The following HTR1F variants were observed in gnomAD, a reference collection of about 807,000 sequenced individuals.
The protein encoded by HTR1F is 5-hydroxytryptamine (serotonin) receptor 1F, G protein-coupled.
In HTR1F, 17 loss-of-function variants were observed where a neutral mutation model predicts 24.0. The ratio of observed to expected loss-of-function variants is 0.71; its 90% confidence interval spans 0.48 to 1.06. The LOEUF (loss-of-function observed/expected upper bound fraction) is 1.06. Ranked by LOEUF, HTR1F falls within the 50% of genes least tolerant of loss-of-function variation. The pLI is 0.00. For synonymous variants in HTR1F, 186 were observed against 156.8 expected (o/e 1.19, Z -1.39); for missense variants, 391 against 427.8 (o/e 0.91, Z 0.76).
At chr3:87,978,999 AGG>A (rs1705464762) in intron 2 of HTR1F, among the ~76,000 whole-genome samples, 1 of 88,246 alleles carries the variant, frequency 1.1e-5, no homozygotes. Flanking sequence ...CAGGGACTGG[AGG>A]GGAAGGAAGG....
At chr3:87,911,105 GA>G (rs1311605665) in intron 2 of HTR1F, among the ~76,000 whole-genome samples, 5 of 151,196 alleles carry the variant, frequency 3.3e-5, no homozygotes, top group Middle Eastern at 3.4e-3. Context: ...CGGAAGACAG[GA>G]AAAAAACAAA....
chr3:87,818,201 A>G (rs553559966), intron 1 of HTR1F, among the ~76,000 whole-genome samples: 12 of 152,274 alleles, frequency 7.9e-5, no homozygotes, highest in African/African-American at 2.2e-4. Flanking sequence ...ATACATCCAT[A>G]TATATGACAA....
chr3:87,954,545 G>A (rs1455054890), intron 2 of HTR1F, among the ~76,000 whole-genome samples: 1 of 151,614 alleles, frequency 6.6e-6, no homozygotes, highest in Non-Finnish European at 1.5e-5. Flanking sequence ...TGTAAAAGTA[G>A]AAATTCTATA....
intron 2 of HTR1F, among the ~76,000 whole-genome samples, chr3:87,874,623 T>G (rs1705629773): frequency 7.0e-6 from 1 of 142,718 alleles, no homozygotes; most frequent in Non-Finnish European, 1.5e-5. Context: ...AGCATTTTTC[T>G]GCAAAAATAG....
At chr3:87,972,316 C>T (rs1051614225) in intron 2 of HTR1F, among the ~76,000 whole-genome samples, 1 of 152,026 alleles carries the variant, frequency 6.6e-6, no homozygotes, top group Non-Finnish European at 1.5e-5. Flanking sequence ...TTAAAGTTTC[C>T]ATCTATTGCT....
intron 2 of HTR1F, among the ~76,000 whole-genome samples, chr3:87,840,099 A>T (rs1336217031): frequency 6.6e-6 from 1 of 152,134 alleles, no homozygotes; most frequent in African/African-American, 2.4e-5. Flanking sequence ...GCTTTTTGGT[A>T]GAATGATATA....
intron 2 of HTR1F, among the ~76,000 whole-genome samples, chr3:87,947,023 G>GAA (rs954853716): frequency 3.9e-4 from 59 of 152,284 alleles, no homozygotes; most frequent in African/African-American, 1.4e-3. Context: ...TCGTTGTGTT[G>GAA]AAATGGTTGT....
chr3:87,899,724 G>A (rs141429893), intron 2 of HTR1F, among the ~76,000 whole-genome samples: 1 of 152,138 alleles, frequency 6.6e-6, no homozygotes, highest in Non-Finnish European at 1.5e-5. Context: ...ATTTAGACAG[G>A]CATAATGGCT....
chr3:87,936,331 G>C (rs1230323057), intron 2 of HTR1F, among the ~76,000 whole-genome samples: 1 of 152,162 alleles, frequency 6.6e-6, no homozygotes, highest in East Asian at 1.9e-4. Flanking sequence ...GTTAAGCAAA[G>C]ATTTGTAAAT....
At chr3:87,847,297 A>G (rs1424713950) in intron 2 of HTR1F, among the ~76,000 whole-genome samples, 1 of 151,892 alleles carries the variant, frequency 6.6e-6, no homozygotes, top group Admixed American at 6.6e-5. Flanking sequence ...CTAGGGTTCT[A>G]TTTGACAATA....
At chr3:87,841,212 T>C in intron 2 of HTR1F, among the ~76,000 whole-genome samples, 1 of 151,790 alleles carries the variant, frequency 6.6e-6, no homozygotes, top group South Asian at 2.1e-4. Flanking sequence ...TTATCAATTG[T>C]TATTTGTCAA....
chr3:87,950,576 G>A (rs763112366), intron 2 of HTR1F, among the ~76,000 whole-genome samples: 9 of 151,360 alleles, frequency 5.9e-5, no homozygotes, highest in Non-Finnish European at 1.3e-4. Context: ...AAAAAAGGGA[G>A]GAGTAAAGAG....
In HTR1F at chr3:87,988,775, C is replaced by T. The variant is rs575772424; in HGVS notation, c.-42-1933C>T. Among the ~76,000 whole-genome samples, 111 of 149,650 alleles carry T rather than the reference C, an allele frequency of 7.4e-4. 1 individual carries two copies. The South Asian group carries it at 0.013, about 18-fold the overall frequency. ...TGTATTTTTAGTAGAGACAGGGTTT[C>T]ACCATGTTGGCCAGGATGGTCTTGA... On this transcript the variant is annotated intron_variant, in intron 2 of 2. Coordinates refer to ENST00000319595, the MANE Select transcript of HTR1F (RefSeq NM_001322209.2).
intron 2 of HTR1F, among the ~76,000 whole-genome samples, chr3:87,955,449 T>C (rs899737330): frequency 1.3e-5 from 2 of 151,476 alleles, no homozygotes; most frequent in African/African-American, 4.8e-5. Context: ...CCATTCACCA[T>C]TGATGAATTG....
At chr3:87,958,292 T>TA (rs1704987392) in intron 2 of HTR1F, among the ~76,000 whole-genome samples, 2 of 151,440 alleles carry the variant, frequency 1.3e-5, no homozygotes, top group African/African-American at 4.9e-5. Flanking sequence ...TTTGGGTGGT[T>TA]GTTTTTTGTT....
Position 87,918,996 on chromosome 3 carries a change from C to A in HTR1F, c.-42-71712C>A, listed in dbSNP as rs555080837. Reference sequence around the variant, plus strand: ...AACTATATTGTAAGGCTGTAGTCACCAAAACAGCGTGGTACTGGTATAAAA... The same window carrying A: ...AACTATATTGTAAGGCTGTAGTCACAAAAACAGCGTGGTACTGGTATAAAA... On this transcript the variant is annotated intron_variant, in intron 2 of 2. Transcript: ENST00000319595. Among the ~76,000 whole-genome samples, 31 of 152,166 alleles carry A rather than the reference C, an allele frequency of 2.0e-4. No homozygotes were observed. In the South Asian group the frequency reaches 3.3e-3, roughly 16 times the overall value.
At chr3:87,815,287 CA>C (rs1387349377) in intron 1 of HTR1F, among the ~76,000 whole-genome samples, 1 of 151,112 alleles carries the variant, frequency 6.6e-6, no homozygotes, top group Non-Finnish European at 1.5e-5. Context: ...GTGGGTGAAT[CA>C]AATATATATA....
intron 1 of HTR1F, among the ~76,000 whole-genome samples, chr3:87,809,415 G>A (rs1704124873): frequency 6.6e-6 from 1 of 151,848 alleles, no homozygotes; most frequent in African/African-American, 2.4e-5. Flanking sequence ...TGGAGTTTTT[G>A]TGTTTAAATA....
chr3:87,828,332 TG>T (rs1704507243), intron 2 of HTR1F, among the ~76,000 whole-genome samples: 1 of 152,212 alleles, frequency 6.6e-6, no homozygotes, highest in Non-Finnish European at 1.5e-5. Flanking sequence ...ATTAGGCTTA[TG>T]TTTTTAGCCT....
Sources: gnomAD v4.1 joint callset for allele counts (sites outside exome capture counted in the v4.1 genomes callset) on GRCh38, gnomAD v4.1.1 for gene constraint, MANE v1.5 for transcripts, NCBI Gene and HGNC (gene_info 2026-07-23, HGNC 2026-07-21) for gene names.